Variants in WDR59 observed in about 807,000 individuals in gnomAD.
WDR59 encodes the protein GATOR2 complex protein WDR59.
A neutral mutation model predicts 131.2 loss-of-function variants in WDR59; 100 were observed. The observed-to-expected ratio is 0.76, with a 90% CI of 0.65 to 0.90. The LOEUF is 0.90. Among genes scored for constraint, WDR59 ranks in the 40% least tolerant of loss-of-function variants. The pLI is 0.00. For synonymous variants in WDR59, 601 were observed against 466.2 expected (o/e 1.29, Z -3.72); for missense variants, 1,203 against 1,262.2 (o/e 0.95, Z 0.71).
chr16:74,963,493 A>G (rs1451401784), intron 2 of WDR59, among the ~76,000 whole-genome samples: 2 of 152,190 alleles, frequency 1.3e-5, no homozygotes, highest in Non-Finnish European at 2.9e-5. Context: ...ACAAGAACAG[A>G]AAACCAAATA....
intron 6 of WDR59, 124 bp from the exon 7 acceptor site, chr16:74,942,950 G>C (rs2032345397): frequency 9.1e-6 from 7 of 766,826 alleles, no homozygotes; most frequent in Non-Finnish European, 1.3e-5. Context: ...TCAAGTTTCT[G>C]TGACTGCACC....
At chr16:74,891,623 G>A (rs1402353102) in intron 20 of WDR59, among the ~76,000 whole-genome samples, 1 of 152,116 alleles carries the variant, frequency 6.6e-6, no homozygotes, top group Non-Finnish European at 1.5e-5. Context: ...TCTTCAACAT[G>A]AGCATAAAGA....
intron 6 of WDR59, among the ~76,000 whole-genome samples, chr16:74,946,163 A>T (rs563094309): frequency 6.6e-6 from 1 of 152,072 alleles, no homozygotes; most frequent in African/African-American, 2.4e-5. Context: ...GTTCTATTTT[A>T]TTATTATTAG....
chr16:74,920,693 A>G (rs891516222), intron 10 of WDR59, among the ~76,000 whole-genome samples: 4 of 152,228 alleles, frequency 2.6e-5, no homozygotes, highest in African/African-American at 9.7e-5. Flanking sequence ...GCCTGGCCTA[A>G]AATACATTTT....
intron 1 of WDR59, among the ~76,000 whole-genome samples, chr16:74,981,654 A>ATTT (rs1430602702): frequency 3.8e-4 from 4 of 10,568 alleles, no homozygotes; most frequent in Admixed American, 1.4e-3. Context: ...ATATATATAT[A>ATTT]TATATATTTT....
At chr16:74,975,521 G>A (rs961481681) in intron 1 of WDR59, among the ~76,000 whole-genome samples, 17 of 151,262 alleles carry the variant, frequency 1.1e-4, no homozygotes, top group Non-Finnish European at 1.3e-4. Context: ...AAAATTAGCC[G>A]GACATGATGG....
At chr16:74,972,553 G>C (rs1212786447) in intron 1 of WDR59, among the ~76,000 whole-genome samples, 1 of 152,060 alleles carries the variant, frequency 6.6e-6, no homozygotes, top group African/African-American at 2.4e-5. Context: ...TCATGTCTAG[G>C]CCAGGCACGG....
intron 16 of WDR59, 84 bp downstream of exon 16, chr16:74,909,417 C>G: frequency 7.0e-7 from 1 of 1,430,080 alleles, no homozygotes; most frequent in African/African-American, 1.4e-5. Context: ...CAAACATTTT[C>G]TGATGAAGAT....
chr16:74,889,657 A>G, intron 21 of WDR59, 46 bp downstream of exon 21: 2 of 1,528,790 alleles, frequency 1.3e-6, no homozygotes, highest in Non-Finnish European at 1.8e-6. Context: ...TACAGACCAA[A>G]AATGGACATC....
chr16:74,915,750 G>C, intron 13 of WDR59, 120 bp downstream of exon 13: 2 of 1,456,208 alleles, frequency 1.4e-6, no homozygotes, highest in Non-Finnish European at 1.9e-6. Context: ...AAAAAAGCAA[G>C]CAGAGAGAGT....
chr16:74,923,556 C>T (rs1490078828), intron 9 of WDR59, among the ~76,000 whole-genome samples: 3 of 152,138 alleles, frequency 2.0e-5, no homozygotes, highest in Non-Finnish European at 2.9e-5. Flanking sequence ...CAGCTTACTG[C>T]AAGCTCTGCC....
chr16:74,974,787 C>T (rs1052647300), intron 1 of WDR59, among the ~76,000 whole-genome samples: 1 of 152,140 alleles, frequency 6.6e-6, no homozygotes, highest in Non-Finnish European at 1.5e-5. Context: ...TAATGAACTT[C>T]CTTGGTACAC....
At chr16:74,878,749 C>G (rs996837062) in intron 25 of WDR59, among the ~76,000 whole-genome samples, 2 of 152,190 alleles carry the variant, frequency 1.3e-5, no homozygotes, top group East Asian at 3.8e-4. Context: ...ATTAAAAGAG[C>G]CTGGAGATTT....
intron 10 of WDR59, among the ~76,000 whole-genome samples, chr16:74,920,095 T>C (rs536460568): frequency 6.6e-6 from 1 of 150,594 alleles, no homozygotes; most frequent in South Asian, 2.1e-4. Flanking sequence ...AAAATTGATG[T>C]CGAAGACATG....
rs377666127 is a variant in WDR59, at chr16:74,962,940, C to T, written c.104+2833G>A. 18 of 151,590 alleles carry T rather than the reference C, an allele frequency of 1.2e-4. 3 individuals are homozygous for T. The highest frequency in any genetic ancestry group is 7.7e-4 in the East Asian group (4 of 5,168). 9.4% of individuals were successfully genotyped at this position (151,590 alleles called of 1,614,324 possible). A position where few individuals can be genotyped will look rare whatever the true frequency, so the allele number is the denominator to read the frequency against. On this transcript the variant is annotated intron_variant, in intron 2 of 25. Coordinates refer to ENST00000262144, the MANE Select transcript of WDR59 (RefSeq NM_030581.4). The stretch of plus-strand genomic sequence containing the variant: ...GCAATCCCATTATAGGGTATGTACC[C>T]AGAGGAATCTAAATTACTCTATTAT...
rs2034416318 is a variant in WDR59, at chr16:74,981,635, TATATATATA to T, written c.54+3320_54+3328del. ...TTACATATATATATATATATATATA[TATATATATA>T]TATATATATATATATATTTTTTTTT... On this transcript the variant is annotated intron_variant, in intron 1 of 25. Coordinates refer to ENST00000262144, the MANE Select transcript of WDR59 (RefSeq NM_030581.4). 4.7e-4 allele frequency among the ~76,000 whole-genome samples: 12 copies of T among 25,748 alleles called. 2 individuals carry two copies. The highest frequency in any genetic ancestry group is 1.9e-3 in the African/African-American group (12 of 6,232). The allele number at this position is 25,748 out of a possible 152,430, so 16.9% of individuals were successfully genotyped here. A position where few individuals can be genotyped will look rare whatever the true frequency, so the allele number is the denominator to read the frequency against.
Position 74,873,968 on chromosome 16 carries a change from C to T in WDR59, c.*241G>A. On this transcript the variant is annotated 3_prime_UTR_variant, in exon 26 of 26. Coordinates refer to ENST00000262144, the MANE Select transcript of WDR59 (RefSeq NM_030581.4). Reference sequence around the variant, plus strand: ...TTGGTAGCTCAGCCGACATAGACAACACACAAAGCGCAGCTCTGCACTTCT... The same window carrying T: ...TTGGTAGCTCAGCCGACATAGACAATACACAAAGCGCAGCTCTGCACTTCT... The T allele has an allele frequency of 1.9e-6, 1 of 518,778 alleles. No individual in the cohort carries two copies. The highest frequency in any genetic ancestry group is 3.5e-6 in the Non-Finnish European group (1 of 288,530). 32.1% of individuals were successfully genotyped at this position (518,778 alleles called of 1,614,324 possible). A position where few individuals can be genotyped will look rare whatever the true frequency, so the allele number is the denominator to read the frequency against.
At chr16:74,903,124 G>T (rs1286671184) in intron 18 of WDR59, among the ~76,000 whole-genome samples, 1 of 151,988 alleles carries the variant, frequency 6.6e-6, no homozygotes, top group Non-Finnish European at 1.5e-5. Context: ...CCTAGAAATG[G>T]GTGTTTTGTC....
chr16:74,915,825 A>G, intron 13 of WDR59, 45 bp downstream of exon 13: 4 of 1,612,184 alleles, frequency 2.5e-6, no homozygotes, highest in Non-Finnish European at 3.4e-6. Context: ...CTCTCCCACA[A>G]ACTGCCATCA....
Sources: allele counts gnomAD v4.1 joint callset (sites outside exome capture counted in the v4.1 genomes callset), GRCh38; gene constraint gnomAD v4.1.1; transcripts MANE v1.5; gene names NCBI Gene and HGNC (gene_info 2026-07-23, HGNC 2026-07-21).